Variants in CHCHD6 observed in about 807,000 individuals in gnomAD.
The protein encoded by CHCHD6 is MICOS complex subunit MIC25.
In CHCHD6, 28 loss-of-function variants were observed where a neutral mutation model predicts 32.3. The observed-to-expected ratio is 0.87, with a 90% CI of 0.64 to 1.19. The LOEUF is 1.19. CHCHD6 is among the 50% of genes most tolerant of loss of function. The probability of loss-of-function intolerance (pLI) is 0.00; values close to 1 mark genes in which losing one functional copy is unlikely to be tolerated. For missense variants in CHCHD6, 333 were observed against 307.0 expected (o/e 1.08, Z -0.63); for synonymous variants, 122 against 117.5 (o/e 1.04, Z -0.25).
chr3:126,759,809 A>G (rs1426334344), intron 4 of CHCHD6, among the ~76,000 whole-genome samples: 1 of 152,188 alleles, frequency 6.6e-6, no homozygotes, highest in Non-Finnish European at 1.5e-5. Context: ...CTGTTCTTGC[A>G]TTACTGTGAA....
chr3:126,831,464 T>C (rs1323138186), intron 4 of CHCHD6, among the ~76,000 whole-genome samples: 2 of 152,186 alleles, frequency 1.3e-5, no homozygotes, highest in Non-Finnish European at 2.9e-5. Context: ...TTTATGTCTC[T>C]CTCCTCGATG....
At chr3:126,928,206 A>G (rs530339971) in intron 6 of CHCHD6, among the ~76,000 whole-genome samples, 10 of 152,194 alleles carry the variant, frequency 6.6e-5, no homozygotes, top group Non-Finnish European at 1.3e-4. Context: ...TCTGGTTCTT[A>G]TTGGACCAGG....
intron 5 of CHCHD6, among the ~76,000 whole-genome samples, chr3:126,887,695 T>G (rs1458251227): frequency 1.3e-5 from 2 of 152,112 alleles, no homozygotes; most frequent in Non-Finnish European, 2.9e-5. Context: ...AAAACATAAG[T>G]GATGTCCCCG....
Position 126,822,725 on chromosome 3 carries a change from A to AT in CHCHD6, c.412-29917dup, listed in dbSNP as rs58451787. ...ATATAAGTATTAGGTAGGAATATCA[A>AT]TTTTTATTAAAACAATCATTCCTCA... On this transcript the variant is annotated intron_variant, in intron 4 of 7. Transcript: ENST00000290913. Among the ~76,000 whole-genome samples the AT allele has an allele frequency of 2.0e-5, 3 of 151,884 alleles. No homozygotes were observed. In the East Asian group the frequency reaches 5.8e-4, roughly 29 times the overall value.
intron 5 of CHCHD6, among the ~76,000 whole-genome samples, chr3:126,870,516 A>G (rs76572767): frequency 0.067 from 10,197 of 152,182 alleles, 424 homozygotes; most frequent in Admixed American, 0.13. Context: ...TCCATCCTTC[A>G]CGTCCTGGTG....
At chr3:126,744,046 G>A (rs1364867673) in intron 4 of CHCHD6, among the ~76,000 whole-genome samples, 1 of 152,182 alleles carries the variant, frequency 6.6e-6, no homozygotes, top group East Asian at 1.9e-4. Flanking sequence ...GTGCCCACCA[G>A]CCCTGCCACT....
Position 126,811,399 on chromosome 3 carries a change from G to C in CHCHD6, c.412-41248G>C, listed in dbSNP as rs1939648557. Among the ~76,000 whole-genome samples the C allele has an allele frequency of 1.3e-5, 2 of 151,982 alleles. 1 individual carries two copies. The highest frequency in any genetic ancestry group is 4.2e-4 in the South Asian group (2 of 4,818). On this transcript the variant is annotated intron_variant, in intron 4 of 7. Transcript: ENST00000290913. ...TTATTTTTCTAAGTGAGAAATCCAG[G>C]GTTTTATATGAAACATCTCAAGTTT...
At chr3:126,878,608 T>G (rs2077569513) in intron 5 of CHCHD6, among the ~76,000 whole-genome samples, 1 of 152,196 alleles carries the variant, frequency 6.6e-6, no homozygotes, top group Admixed American at 6.5e-5. Flanking sequence ...AAAATTGTCT[T>G]TACAAAAGAA....
chr3:126,825,964 G>A (rs1368432093), intron 4 of CHCHD6, among the ~76,000 whole-genome samples: 2 of 152,100 alleles, frequency 1.3e-5, no homozygotes, highest in Non-Finnish European at 2.9e-5. Context: ...CTCTCTGAAG[G>A]ACTCTTTCCA....
intron 4 of CHCHD6, among the ~76,000 whole-genome samples, chr3:126,762,811 G>A (rs1410871618): frequency 2.6e-5 from 4 of 151,952 alleles, no homozygotes; most frequent in Non-Finnish European, 2.9e-5. Flanking sequence ...TTTTATTAAC[G>A]TATATCCTTT....
chr3:126,780,906 C>T (rs1313583639), intron 4 of CHCHD6, among the ~76,000 whole-genome samples: 1 of 152,180 alleles, frequency 6.6e-6, no homozygotes, highest in Middle Eastern at 3.2e-3. Flanking sequence ...GGCTTCCCCA[C>T]AGTTCTGTGG....
intron 4 of CHCHD6, among the ~76,000 whole-genome samples, chr3:126,800,034 T>C (rs1346903679): frequency 6.6e-6 from 1 of 152,246 alleles, no homozygotes; most frequent in Non-Finnish European, 1.5e-5. Context: ...ACTTATTTCC[T>C]GTTTTTAATA....
intron 3 of CHCHD6, among the ~76,000 whole-genome samples, chr3:126,732,847 C>G (rs1047308098): frequency 9.2e-5 from 14 of 152,160 alleles, no homozygotes; most frequent in African/African-American, 3.4e-4. Context: ...GCTGTGTTGT[C>G]TTGGCTCAGT....
chr3:126,828,821 C>T (rs908269546), intron 4 of CHCHD6, among the ~76,000 whole-genome samples: 7 of 152,212 alleles, frequency 4.6e-5, no homozygotes, highest in African/African-American at 9.6e-5. Flanking sequence ...TTGTACCACT[C>T]GGTAATGTCC....
In CHCHD6 at chr3:126,957,474, C is replaced by A. The variant is rs757076051; in HGVS notation, c.625C>A (p.Arg209=). The change falls in exon 7 of 8, where the codon CGA becomes AGA. Residue 209 remains arginine, a synonymous_variant. Coordinates refer to ENST00000290913, the MANE Select transcript of CHCHD6 (RefSeq NM_032343.3). ...GCAGGCCCAGATTCTCCACTGCTAC[C>A]GAGATCGCCCGCATGAGGTGCTGCT... ...GLQAQILHCY[R]DRPHEVLLCS... 3 of 1,608,962 alleles carry A rather than the reference C, an allele frequency of 1.9e-6. No individual in the cohort carries two copies. The Admixed American group carries it at 5.0e-5, about 27-fold the overall frequency.
At chr3:126,827,494 G>T (rs933103686) in intron 4 of CHCHD6, among the ~76,000 whole-genome samples, 7 of 152,216 alleles carry the variant, frequency 4.6e-5, no homozygotes, top group African/African-American at 1.7e-4. Flanking sequence ...TGCCCAATCA[G>T]CCTTGTGCTG....
In CHCHD6 at chr3:126,881,669, C is replaced by T. The variant is rs775416904; in HGVS notation, c.495+28939C>T. The stretch of plus-strand genomic sequence containing the variant: ...GCTGAGGGGATGGAAAGGAGCTTCT[C>T]GAAGGAGTCGGCTGGAGTATTGGAA... On this transcript the variant is annotated intron_variant, in intron 5 of 7. Coordinates refer to ENST00000290913, the MANE Select transcript of CHCHD6 (RefSeq NM_032343.3). 1.6e-3 allele frequency among the ~76,000 whole-genome samples: 246 copies of T among 152,230 alleles called. 1 individual carries two copies. Among genetic ancestry groups the T allele is most frequent in the Non-Finnish European group, 2.7e-3 (187 of 68,018 alleles).
intron 4 of CHCHD6, among the ~76,000 whole-genome samples, chr3:126,757,093 G>A (rs1043625357): frequency 6.6e-6 from 1 of 152,136 alleles, no homozygotes; most frequent in Non-Finnish European, 1.5e-5. Context: ...AGGTTGTGTA[G>A]GTTGAGCCTC....
At chr3:126,955,816 C>A (rs2078775681) in intron 6 of CHCHD6, among the ~76,000 whole-genome samples, 1 of 152,012 alleles carries the variant, frequency 6.6e-6, no homozygotes, top group Non-Finnish European at 1.5e-5. Flanking sequence ...GAGCATTGTC[C>A]CGCGTAGTCA....
Sources: allele counts gnomAD v4.1 joint callset (sites outside exome capture counted in the v4.1 genomes callset), GRCh38; gene constraint gnomAD v4.1.1; transcripts MANE v1.5; gene names NCBI Gene and HGNC (gene_info 2026-07-23, HGNC 2026-07-21).